Variants in RMST observed in about 807,000 individuals in gnomAD.
RMST encodes rhabdomyosarcoma 2 associated transcript.
At chr12:97,471,521 G>T (rs1466825340) in intron 5 of RMST, among the ~76,000 whole-genome samples, 2 of 152,118 alleles carry the variant, frequency 1.3e-5, no homozygotes, top group African/African-American at 4.8e-5. Context: ...AACAGCCCGT[G>T]AGAGTTCCAG....
intron 11 of RMST, among the ~76,000 whole-genome samples, chr12:97,551,374 G>A (rs1427654718): frequency 6.6e-6 from 1 of 152,106 alleles, no homozygotes; most frequent in African/African-American, 2.4e-5. Flanking sequence ...AAGCAAAAGG[G>A]AAATACTTAT....
Position 97,472,463 on chromosome 12 carries a change from A to G in RMST, n.644+6736A>G, listed in dbSNP as rs539438949. Among the ~76,000 whole-genome samples the G allele has an allele frequency of 2.6e-5, 4 of 152,230 alleles. No individual in the cohort carries two copies. The South Asian group carries it at 6.2e-4, about 24-fold the overall frequency. ...TTAAGCCTGATGTTTTTAAAGTGCTAGGAAGATCCGAATCCAGAGTCAAGT... is the reference window on the plus strand; with the variant it reads ...TTAAGCCTGATGTTTTTAAAGTGCTGGGAAGATCCGAATCCAGAGTCAAGT... On this transcript the variant is annotated intron_variant and non_coding_transcript_variant, in intron 5 of 13. Transcript: ENST00000640149.
rs61565272 is a variant in RMST at position 97,518,716 on chromosome 12, A to G, written n.1341-11939A>G. Among the ~76,000 whole-genome samples the G allele has an allele frequency of 1.1e-3, 173 of 152,166 alleles. 2 individuals are homozygous for G. The highest frequency in any genetic ancestry group is 3.9e-3 in the African/African-American group (160 of 41,544). On this transcript the variant is annotated intron_variant and non_coding_transcript_variant, in intron 10 of 13. Transcript: ENST00000640149. ...TCTGTTCTTTCCTCCTGGAAAACCA[A>G]TTCCCTCCTCTCTACTTCTGTCTTT...
intron 10 of RMST, among the ~76,000 whole-genome samples, chr12:97,502,881 A>G (rs1878242317): frequency 6.6e-6 from 1 of 152,178 alleles, no homozygotes; most frequent in South Asian, 2.1e-4. Flanking sequence ...GTAATAGTAA[A>G]CACTTATATT....
At chr12:97,502,896 T>C (rs1329204006) in intron 10 of RMST, among the ~76,000 whole-genome samples, 3 of 152,236 alleles carry the variant, frequency 2.0e-5, no homozygotes, top group African/African-American at 7.2e-5. Context: ...TATATTGATA[T>C]TCTTGTACAA....
intron 5 of RMST, among the ~76,000 whole-genome samples, chr12:97,480,852 G>T (rs1178884991): frequency 6.6e-6 from 1 of 152,072 alleles, no homozygotes; most frequent in African/African-American, 2.4e-5. Context: ...ACACAAGTGT[G>T]TCACCTCCTC....
chr12:97,474,240 G>A (rs1874259463), intron 5 of RMST, among the ~76,000 whole-genome samples: 1 of 151,954 alleles, frequency 6.6e-6, no homozygotes, highest in South Asian at 2.1e-4. Context: ...TCCTGGATGC[G>A]GCCACTCTCA....
chr12:97,549,543 A>G (rs1883173212), intron 11 of RMST, among the ~76,000 whole-genome samples: 1 of 152,238 alleles, frequency 6.6e-6, no homozygotes, highest in Non-Finnish European at 1.5e-5. Flanking sequence ...TGCCATTCAC[A>G]TGGTGTCTGT....
intron 5 of RMST, among the ~76,000 whole-genome samples, chr12:97,484,314 G>T (rs1875818779): frequency 6.6e-6 from 1 of 152,128 alleles, no homozygotes; most frequent in African/African-American, 2.4e-5. Flanking sequence ...AGATGGCCAA[G>T]CTCAGAAGTG....
chr12:97,557,787 A>G lies in RMST; in HGVS notation n.1546-2750A>G, dbSNP rs74831372. Among the ~76,000 whole-genome samples, 391 of 152,252 alleles carry G rather than the reference A, an allele frequency of 2.6e-3. 2 individuals are homozygous for G. Among genetic ancestry groups the G allele is most frequent in the Middle Eastern group, 0.01 (3 of 294 alleles). ...GAATGAATCAGGTAGAGAGGCACAAAGGGAATAGGTCACCTAATTAACAGT... is the reference window on the plus strand; with the variant it reads ...GAATGAATCAGGTAGAGAGGCACAAGGGGAATAGGTCACCTAATTAACAGT... On this transcript the variant is annotated intron_variant and non_coding_transcript_variant, in intron 11 of 13. Coordinates refer to ENST00000640149, the Ensembl canonical transcript of RMST.
At chr12:97,500,534 A>C (rs566793264) in intron 10 of RMST, among the ~76,000 whole-genome samples, 1 of 152,342 alleles carries the variant, frequency 6.6e-6, no homozygotes, top group East Asian at 1.9e-4. Flanking sequence ...GATTTTATCC[A>C]AGTTATTTGA....
At chr12:97,479,784 G>C (rs1326432100) in intron 5 of RMST, among the ~76,000 whole-genome samples, 2 of 152,074 alleles carry the variant, frequency 1.3e-5, no homozygotes, top group African/African-American at 4.8e-5. Context: ...ATGGTTTGTA[G>C]CTACTCAGAC....
intron 5 of RMST, among the ~76,000 whole-genome samples, chr12:97,483,233 G>A (rs116107404): frequency 0.046 from 7,007 of 152,154 alleles, 564 homozygotes; most frequent in African/African-American, 0.16. Flanking sequence ...ATGTGCTTTC[G>A]CTTAAGCCCA....
intron 5 of RMST, among the ~76,000 whole-genome samples, chr12:97,471,496 T>TAGTA (rs1873907690): frequency 6.6e-6 from 1 of 152,096 alleles, no homozygotes; most frequent in Non-Finnish European, 1.5e-5. Context: ...GTCTGTCTTG[T>TAGTA]AGTAGTAGTA....
intron 10 of RMST, among the ~76,000 whole-genome samples, chr12:97,499,745 C>A (rs1877880528): frequency 6.6e-6 from 1 of 150,738 alleles, no homozygotes; most frequent in Non-Finnish European, 1.5e-5. Context: ...CTGCAGCTTC[C>A]ACCTCCCAGG....
At chr12:97,555,786 G>A (rs1883663616) in intron 11 of RMST, among the ~76,000 whole-genome samples, 1 of 152,206 alleles carries the variant, frequency 6.6e-6, no homozygotes, top group Admixed American at 6.5e-5. Flanking sequence ...CAGTAATGCT[G>A]TGCAGGAAAT....
At chr12:97,474,387 T>TGTCTGC (rs1229712835) in intron 5 of RMST, among the ~76,000 whole-genome samples, 12 of 152,086 alleles carry the variant, frequency 7.9e-5, no homozygotes, top group African/African-American at 2.7e-4. Context: ...CTCTCACTGC[T>TGTCTGC]GTCTGCTCTG....
chr12:97,469,587 C>A (rs1314482858), intron 5 of RMST, among the ~76,000 whole-genome samples: 1 of 152,004 alleles, frequency 6.6e-6, no homozygotes, highest in Non-Finnish European at 1.5e-5. Flanking sequence ...GATGAGGAAA[C>A]TGAGGTTTCG....
intron 10 of RMST, among the ~76,000 whole-genome samples, chr12:97,523,111 C>T (rs569042080): frequency 3.3e-5 from 5 of 152,190 alleles, no homozygotes; most frequent in Non-Finnish European, 5.9e-5. Context: ...GAAAGAGACA[C>T]GAGCATTTAG....
Sources: allele counts gnomAD v4.1 joint callset (sites outside exome capture counted in the v4.1 genomes callset), GRCh38; gene constraint gnomAD v4.1.1; transcripts MANE v1.5; gene names NCBI Gene and HGNC (gene_info 2026-07-23, HGNC 2026-07-21).